ITK: variants seen among roughly 807,000 people sequenced by gnomAD.
The protein encoded by ITK is IL2 inducible T cell kinase, also known as tyrosine-protein kinase ITK/TSK.
ITK carries 45 observed loss-of-function variants against 87.6 expected under a neutral mutation model. That is an observed-to-expected ratio of 0.51 (90% CI 0.40 to 0.66). The LOEUF is 0.66. ITK is among the 30% of genes least tolerant of loss of function. The pLI, the probability that ITK is intolerant of heterozygous loss-of-function variation, is 0.00. For synonymous variants in ITK, 303 were observed against 273.6 expected (o/e 1.11, Z -1.06); for missense variants, 605 against 766.3 (o/e 0.79, Z 2.48).
intron 1 of ITK, among the ~76,000 whole-genome samples, chr5:157,194,207 G>A (rs143990757): frequency 4.9e-4 from 75 of 152,180 alleles, no homozygotes; most frequent in African/African-American, 1.6e-3. Flanking sequence ...TCACGACTGC[G>A]AGCATCTCAG....
intron 1 of ITK, among the ~76,000 whole-genome samples, chr5:157,205,723 A>G (rs929719470): frequency 3.9e-5 from 6 of 152,196 alleles, no homozygotes; most frequent in Non-Finnish European, 7.4e-5. Flanking sequence ...CCCATTCAGT[A>G]TGATGTTGGC....
chr5:157,242,766 C>T (rs888561716), intron 11 of ITK, among the ~76,000 whole-genome samples: 75 of 152,188 alleles, frequency 4.9e-4, no homozygotes, highest in African/African-American at 1.8e-3. Context: ...GCTGAGTCTA[C>T]ATTTTAAACA....
intron 1 of ITK, among the ~76,000 whole-genome samples, chr5:157,202,277 G>C (rs777295587): frequency 2.0e-5 from 3 of 152,016 alleles, no homozygotes; most frequent in South Asian, 4.2e-4. Flanking sequence ...GCAGTGGCAC[G>C]ATCTCAGCTC....
chr5:157,212,491 C>T (rs1229136800), intron 3 of ITK, among the ~76,000 whole-genome samples: 1 of 152,200 alleles, frequency 6.6e-6, no homozygotes, highest in Non-Finnish European at 1.5e-5. Context: ...TCCGTTCTTA[C>T]AGTCTTGGGA....
chr5:157,220,603 C>T (rs1371936485), intron 5 of ITK, among the ~76,000 whole-genome samples: 1 of 152,128 alleles, frequency 6.6e-6, no homozygotes, highest in African/African-American at 2.4e-5. Context: ...GGTCAGGAGG[C>T]AGGATCCTCA....
chr5:157,223,850 T>C (rs1754477871), intron 6 of ITK, among the ~76,000 whole-genome samples: 1 of 152,258 alleles, frequency 6.6e-6, no homozygotes, highest in Non-Finnish European at 1.5e-5. Context: ...GAGGTTATTA[T>C]TAATTTTAAA....
At chr5:157,229,644 T>C (rs1754609284) in intron 7 of ITK, among the ~76,000 whole-genome samples, 1 of 152,220 alleles carries the variant, frequency 6.6e-6, no homozygotes, top group South Asian at 2.1e-4. Flanking sequence ...TCGGGCGCAG[T>C]GGCCCACACC....
chr5:157,219,436 T>C (rs1754369577), intron 5 of ITK, among the ~76,000 whole-genome samples: 3 of 152,174 alleles, frequency 2.0e-5, no homozygotes, highest in Admixed American at 2.0e-4. Flanking sequence ...GAGTACTCGC[T>C]CTTCATTCCA....
At chr5:157,227,214 A>G (rs1754549798) in intron 6 of ITK, among the ~76,000 whole-genome samples, 2 of 152,214 alleles carry the variant, frequency 1.3e-5, no homozygotes, top group African/African-American at 4.8e-5. Flanking sequence ...TTTGACGGGT[A>G]TAAAGTCAGA....
At chr5:157,211,825 G>T (rs1009820728) in intron 3 of ITK, among the ~76,000 whole-genome samples, 1 of 152,082 alleles carries the variant, frequency 6.6e-6, no homozygotes, top group Non-Finnish European at 1.5e-5. Context: ...TTCCTTAATT[G>T]CCTGTGCTTC....
chr5:157,234,584 A>C (rs1754739126), intron 8 of ITK, among the ~76,000 whole-genome samples: 1 of 152,154 alleles, frequency 6.6e-6, no homozygotes, highest in African/African-American at 2.4e-5. Flanking sequence ...ATTGATGGGA[A>C]TTTGGGTTGG....
At chr5:157,207,402 T>G (rs1365733067) in intron 1 of ITK, among the ~76,000 whole-genome samples, 4 of 128,692 alleles carry the variant, frequency 3.1e-5, no homozygotes, top group African/African-American at 1.1e-4. Flanking sequence ...TTTTTTTTTT[T>G]TTGAGTCTTG....
chr5:157,206,520 C>CT (rs990579192), intron 1 of ITK, among the ~76,000 whole-genome samples: 3 of 151,942 alleles, frequency 2.0e-5, no homozygotes, highest in African/African-American at 4.8e-5. Context: ...TGGTCCCAGG[C>CT]TTTTTTTGGG....
chr5:157,211,568 C>A (rs983138514), intron 3 of ITK, 200 bp downstream of exon 3: 45 of 605,444 alleles, frequency 7.4e-5, no homozygotes, highest in Admixed American at 4.5e-4. Flanking sequence ...ATCCAGCCTG[C>A]TGTCTGTTCT....
intron 1 of ITK, among the ~76,000 whole-genome samples, chr5:157,196,717 T>C (rs1753861271): frequency 6.6e-6 from 1 of 152,240 alleles, no homozygotes; most frequent in Non-Finnish European, 1.5e-5. Flanking sequence ...CAGATATTAA[T>C]TGAACATCGC....
intron 8 of ITK, among the ~76,000 whole-genome samples, chr5:157,236,926 A>G (rs888460840): frequency 3.3e-5 from 5 of 152,200 alleles, no homozygotes; most frequent in African/African-American, 1.2e-4. Context: ...GGCCTAAGAA[A>G]TATATTATCA....
intron 7 of ITK, among the ~76,000 whole-genome samples, chr5:157,229,312 G>A (rs1054331909): frequency 6.6e-6 from 1 of 152,160 alleles, no homozygotes; most frequent in African/African-American, 2.4e-5. Flanking sequence ...CAAATCACTT[G>A]TAATTACAAA....
chr5:157,208,966 C>G lies in ITK; in HGVS notation c.216C>G (p.Ile72Met). 1 of 1,613,446 alleles carries G rather than the reference C, an allele frequency of 6.2e-7. No homozygotes were observed. Among genetic ancestry groups the G allele is most frequent in the Non-Finnish European group, 8.5e-7 (1 of 1,179,360 alleles). Residue 72 changes from isoleucine (I) to methionine (M), a missense_variant, in exon 2 of 17, where the codon ATC (isoleucine) becomes ATG (methionine). Transcript: ENST00000422843. Reference protein sequence around the residue: ...CVEIVKSDISIPCHYKYPFQV... With the variant: ...CVEIVKSDISMPCHYKYPFQV... ...AGATTGTGAAAAGTGACATCAGCAT[C>G]CCATGCCACTATAAATACCCGTTTC...
chr5:157,186,254 C>A (rs1265539622), intron 1 of ITK, among the ~76,000 whole-genome samples: 4 of 152,106 alleles, frequency 2.6e-5, no homozygotes, highest in African/African-American at 9.7e-5. Context: ...ATTGGTACCC[C>A]CTGCCAAATG....
Sources: allele counts gnomAD v4.1 joint callset (sites outside exome capture counted in the v4.1 genomes callset), GRCh38; gene constraint gnomAD v4.1.1; transcripts MANE v1.5; gene names NCBI Gene and HGNC (gene_info 2026-07-23, HGNC 2026-07-21).